The following STK32C variants were observed in gnomAD, a reference collection of about 807,000 sequenced individuals.
STK32C encodes serine/threonine kinase 32C.
A neutral mutation model predicts 56.5 loss-of-function variants in STK32C; 31 were observed. That is an observed-to-expected ratio of 0.55 (90% CI 0.41 to 0.74). The LOEUF (loss-of-function observed/expected upper bound fraction) is 0.74, where lower values mean the gene tolerates loss of function less well. Among genes scored for constraint, STK32C ranks in the 30% least tolerant of loss-of-function variants. STK32C has a pLI of 0.00. For missense variants in STK32C, 544 were observed against 676.9 expected, an observed-to-expected ratio of 0.80 and a Z score of 2.18; for synonymous variants, 309 against 289.4, an observed-to-expected ratio of 1.07 and a Z score of -0.69.
At chr10:132,284,020 CAG>C (rs2065298958) in intron 1 of STK32C, among the ~76,000 whole-genome samples, 1 of 152,090 alleles carries the variant, frequency 6.6e-6, no homozygotes, top group Non-Finnish European at 1.5e-5. Context: ...TTCTCTGTCA[CAG>C]ACTCTCCAAA....
intron 1 of STK32C, among the ~76,000 whole-genome samples, chr10:132,329,017 C>T (rs1028205775): frequency 6.6e-6 from 1 of 152,244 alleles, no homozygotes; most frequent in African/African-American, 2.4e-5. Flanking sequence ...TTTCAAAACA[C>T]AGGACTCCAA....
chr10:132,219,841 G>T (rs886699009), intron 10 of STK32C, among the ~76,000 whole-genome samples: 3 of 152,158 alleles, frequency 2.0e-5, no homozygotes, highest in Non-Finnish European at 4.4e-5. Context: ...CTTCTGCCCA[G>T]GAGCAACACA....
At chr10:132,280,090 A>G (rs2065120703) in intron 1 of STK32C, among the ~76,000 whole-genome samples, 1 of 136,586 alleles carries the variant, frequency 7.3e-6, no homozygotes, top group Non-Finnish European at 1.6e-5. Context: ...GCACTCGGTG[A>G]TCACACCCCT....
At chr10:132,299,395 C>T (rs1161884174) in intron 1 of STK32C, among the ~76,000 whole-genome samples, 1 of 151,590 alleles carries the variant, frequency 6.6e-6, no homozygotes, top group East Asian at 2.0e-4. Flanking sequence ...GGACTGAGAC[C>T]CCAGGACAAG....
At chr10:132,244,688 C>T (rs2063623413) in intron 2 of STK32C, among the ~76,000 whole-genome samples, 1 of 152,216 alleles carries the variant, frequency 6.6e-6, no homozygotes. Context: ...CTCTCCTGAA[C>T]CTGGTCACAG....
chr10:132,288,302 T>C (rs2065470475), intron 1 of STK32C, among the ~76,000 whole-genome samples: 2 of 152,228 alleles, frequency 1.3e-5, no homozygotes, highest in South Asian at 2.1e-4. Flanking sequence ...GAAGATTTCT[T>C]AGAAAGAACA....
intron 1 of STK32C, among the ~76,000 whole-genome samples, chr10:132,272,532 T>C (rs539130144): frequency 1.3e-5 from 2 of 152,322 alleles, no homozygotes. Context: ...AGCCTTGGCA[T>C]GGGCTCGACT....
At chr10:132,298,196 G>T (rs1212574002) in intron 1 of STK32C, among the ~76,000 whole-genome samples, 1 of 152,244 alleles carries the variant, frequency 6.6e-6, no homozygotes. Flanking sequence ...CCCAGATGCG[G>T]AGACTTCACC....
At chr10:132,227,195 C>T (rs765324575) in intron 3 of STK32C, among the ~76,000 whole-genome samples, 14 of 152,266 alleles carry the variant, frequency 9.2e-5, no homozygotes, top group Non-Finnish European at 1.9e-4. Flanking sequence ...GGAGGTGGCC[C>T]AGCTGGGGCC....
At position 132,271,523 on chromosome 10, in the gene STK32C, C is replaced by T. The variant is rs539916036; in HGVS notation, c.263-25568G>A. The stretch of plus-strand genomic sequence containing the variant: ...CTGGCCTCACACAGAAAGATGTTGT[C>T]CCGTCCATTGTGGCCAAATCTGACC... On this transcript the variant is annotated intron_variant, in intron 1 of 11. Transcript: ENST00000298630. 1.4e-3 allele frequency among the ~76,000 whole-genome samples: 207 copies of T among 152,288 alleles called. 1 individual carries two copies. The highest frequency in any genetic ancestry group is 4.5e-3 in the African/African-American group (187 of 41,560).
intron 1 of STK32C, among the ~76,000 whole-genome samples, chr10:132,267,898 C>T (rs1309540276): frequency 7.7e-6 from 1 of 129,442 alleles, no homozygotes; most frequent in Non-Finnish European, 1.6e-5. Flanking sequence ...TGTCCCACAT[C>T]GTGTGTGTGT....
chr10:132,232,366 C>T lies in STK32C; in HGVS notation c.319-4238G>A, dbSNP rs150313357. On this transcript the variant is annotated intron_variant, in intron 2 of 11. Coordinates refer to ENST00000298630, the MANE Select transcript of STK32C (RefSeq NM_173575.4). ...AAGACAACAGAGAAGAGGGCGGGTC[C>T]GGCAGGCTCCCTCGGGCCCCTGATG... is the stretch of plus-strand genomic sequence containing the variant. 9.8e-3 allele frequency among the ~76,000 whole-genome samples: 1,493 copies of T among 152,254 alleles called. 32 individuals are homozygous for T. The highest frequency in any genetic ancestry group is 0.033 in the African/African-American group (1,386 of 41,544).
intron 1 of STK32C, among the ~76,000 whole-genome samples, chr10:132,290,469 G>A (rs2065530371): frequency 6.6e-6 from 1 of 152,214 alleles, no homozygotes; most frequent in Admixed American, 6.5e-5. Context: ...ACCTAGAGAG[G>A]ATGCGATTAC....
intron 1 of STK32C, chr10:132,331,413 A>C: frequency 6.3e-7 from 1 of 1,589,968 alleles, no homozygotes; most frequent in Non-Finnish European, 8.6e-7. Context: ...CAAATTCTCA[A>C]AACCCTTCCT....
At chr10:132,266,247 G>A (rs1053932844) in intron 1 of STK32C, among the ~76,000 whole-genome samples, 7 of 152,176 alleles carry the variant, frequency 4.6e-5, no homozygotes, top group African/African-American at 1.4e-4. Context: ...CGCGTCGTGC[G>A]ATTCTGTTTG....
At chr10:132,246,291 C>T (rs2063687703) in intron 1 of STK32C, among the ~76,000 whole-genome samples, 3 of 152,352 alleles carry the variant, frequency 2.0e-5, no homozygotes, top group African/African-American at 7.2e-5. Context: ...GCACCAGCCA[C>T]CCCCACTGAA....
In STK32C at chr10:132,284,778, C is replaced by G. The variant is rs554310562; in HGVS notation, c.262+22794G>C. 4.4e-3 allele frequency among the ~76,000 whole-genome samples: 654 copies of G among 147,634 alleles called. 2 individuals carry two copies. Among genetic ancestry groups the G allele is most frequent in the African/African-American group, 0.015 (596 of 38,748 alleles). ...ACCCAGAACACATTCCCACGTCTGC[C>G]CAAAGACCAGGCATGAACCCAGAAC... On this transcript the variant is annotated intron_variant, in intron 1 of 11. Transcript: ENST00000298630.
intron 1 of STK32C, among the ~76,000 whole-genome samples, chr10:132,314,024 G>A (rs952998427): frequency 6.6e-6 from 1 of 152,150 alleles, no homozygotes; most frequent in African/African-American, 2.4e-5. Context: ...ATCCTACCTG[G>A]CCAAGCAGGG....
chr10:132,329,125 C>A (rs898301374), intron 1 of STK32C, among the ~76,000 whole-genome samples: 4 of 152,218 alleles, frequency 2.6e-5, no homozygotes, highest in Non-Finnish European at 4.4e-5. Context: ...CTACCCCGGG[C>A]AGTGGCTCAG....
Sources: allele counts gnomAD v4.1 joint callset (sites outside exome capture counted in the v4.1 genomes callset), GRCh38; gene constraint gnomAD v4.1.1; transcripts MANE v1.5; gene names NCBI Gene and HGNC (gene_info 2026-07-23, HGNC 2026-07-21).